Variants in ROBO1 observed in about 807,000 individuals in gnomAD.
The protein encoded by ROBO1 is roundabout guidance receptor 1.
A neutral mutation model predicts 195.9 loss-of-function variants in ROBO1; 149 were observed. That is an observed-to-expected ratio of 0.76 (90% CI 0.67 to 0.87). The LOEUF is 0.87. Among genes scored for constraint, ROBO1 ranks in the 40% least tolerant of loss-of-function variants. The pLI is 0.00. For missense variants in ROBO1, 1,933 were observed against 2,068.3 expected (o/e 0.93, Z 1.27); for synonymous variants, 816 against 733.2 (o/e 1.11, Z -1.82).
chr3:79,314,433 G>T (rs1187468784), intron 2 of ROBO1, among the ~76,000 whole-genome samples: 1 of 152,134 alleles, frequency 6.6e-6, no homozygotes, highest in Non-Finnish European at 1.5e-5. Flanking sequence ...TTCATAAGGG[G>T]CTTTTCCCCT....
At chr3:79,481,104 A>G (rs1253829330) in intron 2 of ROBO1, among the ~76,000 whole-genome samples, 2 of 152,114 alleles carry the variant, frequency 1.3e-5, no homozygotes, top group Non-Finnish European at 2.9e-5. Flanking sequence ...TTTATAATGT[A>G]TTCTACTGAT....
intron 4 of ROBO1, among the ~76,000 whole-genome samples, chr3:78,818,185 A>G: frequency 6.6e-6 from 1 of 152,110 alleles, no homozygotes; most frequent in East Asian, 1.9e-4. Context: ...TTAGGCAGGG[A>G]TGATGGTCTG....
chr3:79,269,513 A>G (rs1342221406), intron 2 of ROBO1, among the ~76,000 whole-genome samples: 3 of 151,664 alleles, frequency 2.0e-5, no homozygotes, highest in Non-Finnish European at 4.4e-5. Context: ...CCTAATTTAG[A>G]TAGAAGGATT....
intron 2 of ROBO1, among the ~76,000 whole-genome samples, chr3:79,510,100 TG>T (rs1226399593): frequency 6.6e-6 from 1 of 152,038 alleles, no homozygotes; most frequent in African/African-American, 2.4e-5. Context: ...ATCTAGGAAA[TG>T]GGGGCATTAA....
intron 1 of ROBO1, among the ~76,000 whole-genome samples, chr3:79,740,563 G>A (rs1465156926): frequency 1.3e-5 from 2 of 152,086 alleles, no homozygotes; most frequent in Non-Finnish European, 2.9e-5. Context: ...TGGCAGGACT[G>A]AGAATGAGTG....
intron 4 of ROBO1, chr3:78,758,905 G>A (rs2083015129): frequency 6.6e-6 from 1 of 152,172 alleles, no homozygotes; most frequent in South Asian, 2.1e-4. Flanking sequence ...AAGAAACTCT[G>A]GCTCTTTTCC....
intron 4 of ROBO1, among the ~76,000 whole-genome samples, chr3:78,801,681 G>T (rs954386186): frequency 6.6e-6 from 1 of 152,002 alleles, no homozygotes; most frequent in African/African-American, 2.4e-5. Context: ...ATAACATGGG[G>T]TACTTTCTAT....
intron 3 of ROBO1, among the ~76,000 whole-genome samples, chr3:79,038,631 C>G (rs1480867569): frequency 6.6e-6 from 1 of 151,324 alleles, no homozygotes. Flanking sequence ...CATCTCACTA[C>G]TATAAACTGA....
intron 2 of ROBO1, among the ~76,000 whole-genome samples, chr3:79,371,053 T>C (rs2036174308): frequency 6.6e-6 from 1 of 152,220 alleles, no homozygotes; most frequent in African/African-American, 2.4e-5. Flanking sequence ...TTCCATGGTG[T>C]ATATTGCCAC....
chr3:78,990,935 G>A (rs538338229), intron 3 of ROBO1, among the ~76,000 whole-genome samples: 2 of 152,288 alleles, frequency 1.3e-5, no homozygotes, highest in Non-Finnish European at 2.9e-5. Context: ...GTTAAAATAA[G>A]TATAATTTAA....
chr3:79,033,143 A>C (rs2078325409), intron 3 of ROBO1, among the ~76,000 whole-genome samples: 1 of 152,116 alleles, frequency 6.6e-6, no homozygotes, highest in Non-Finnish European at 1.5e-5. Flanking sequence ...TCATTAATTC[A>C]AGATAATACA....
At chr3:78,716,784 T>A (rs2081913260) in intron 7 of ROBO1, among the ~76,000 whole-genome samples, 1 of 152,150 alleles carries the variant, frequency 6.6e-6, no homozygotes, top group East Asian at 1.9e-4. Flanking sequence ...GCACATTCCC[T>A]AAGGCTCCCT....
chr3:79,204,927 GTTT>G (rs1185723536), intron 2 of ROBO1, among the ~76,000 whole-genome samples: 1 of 151,554 alleles, frequency 6.6e-6, no homozygotes, highest in African/African-American at 2.4e-5. Context: ...TTGTTTGTTT[GTTT>G]TTTAACTTTA....
intron 2 of ROBO1, among the ~76,000 whole-genome samples, chr3:79,383,181 C>A (rs2036628753): frequency 6.6e-6 from 1 of 152,034 alleles, no homozygotes; most frequent in East Asian, 1.9e-4. Flanking sequence ...TTAAAGTATG[C>A]AAGATCAATG....
intron 2 of ROBO1, among the ~76,000 whole-genome samples, chr3:79,326,854 C>T (rs2034234686): frequency 1.3e-5 from 2 of 152,116 alleles, no homozygotes; most frequent in African/African-American, 4.8e-5. Flanking sequence ...ATGAATTCAA[C>T]TAAATGAATA....
At chr3:79,067,032 T>C (rs147967892) in intron 3 of ROBO1, among the ~76,000 whole-genome samples, 77 of 151,950 alleles carry the variant, frequency 5.1e-4, no homozygotes, top group Admixed American at 1.4e-3. Context: ...TAGATACCAT[T>C]AAAAAAATGT....
At chr3:79,472,965 G>A (rs1366687166) in intron 2 of ROBO1, among the ~76,000 whole-genome samples, 2 of 152,092 alleles carry the variant, frequency 1.3e-5, no homozygotes, top group Non-Finnish European at 2.9e-5. Flanking sequence ...AAGGTGCTAG[G>A]GAGTGAGAGT....
intron 1 of ROBO1, among the ~76,000 whole-genome samples, chr3:79,697,573 C>A: frequency 6.6e-6 from 1 of 151,162 alleles, no homozygotes; most frequent in Middle Eastern, 3.4e-3. Context: ...GGAACAAATA[C>A]ATAAAAAGAA....
chr3:79,544,473 C>T (rs937957791), intron 2 of ROBO1, among the ~76,000 whole-genome samples: 1 of 151,798 alleles, frequency 6.6e-6, no homozygotes, highest in Non-Finnish European at 1.5e-5. Context: ...TTGAAACTAA[C>T]TAGATAAAGT....
Sources: gnomAD v4.1 joint callset for allele counts (sites outside exome capture counted in the v4.1 genomes callset) on GRCh38, gnomAD v4.1.1 for gene constraint, MANE v1.5 for transcripts, NCBI Gene and HGNC (gene_info 2026-07-23, HGNC 2026-07-21) for gene names.